The following FAM240B variants were observed in gnomAD, a reference collection of about 807,000 sequenced individuals.
The protein encoded by FAM240B is protein FAM240B.
rs559981486 is a variant in FAM240B, at chr9:38,700,380, T to G, written c.143+3477A>C. On this transcript the variant is annotated intron_variant, in intron 2 of 2. Coordinates refer to ENST00000637493, the MANE Select transcript of FAM240B (RefSeq NM_001394922.1). ...GCTTGATGCACCCCCAGATTTAATG[T>G]CTACCTGACACTGTTGAGATCTGCT... 2.0e-5 allele frequency among the ~76,000 whole-genome samples: 3 copies of G among 152,334 alleles called. No individual in the cohort carries two copies. In the South Asian group the frequency reaches 6.2e-4, roughly 32 times the overall value.
At chr9:38,711,076 T>C (rs1821250459) in intron 1 of FAM240B, among the ~76,000 whole-genome samples, 1 of 152,088 alleles carries the variant, frequency 6.6e-6, no homozygotes, top group Admixed American at 6.5e-5. Flanking sequence ...GTGCAAGTCA[T>C]CACTGCTTTC....
At chr9:38,716,008 G>A (rs1821299914) in intron 1 of FAM240B, among the ~76,000 whole-genome samples, 1 of 152,188 alleles carries the variant, frequency 6.6e-6, no homozygotes, top group Non-Finnish European at 1.5e-5. Flanking sequence ...GGAACTGGGA[G>A]GTCCTTAAGC....
chr9:38,706,384 C>T (rs906668610), intron 1 of FAM240B, among the ~76,000 whole-genome samples: 8 of 152,144 alleles, frequency 5.3e-5, no homozygotes, highest in Admixed American at 4.6e-4. Flanking sequence ...GACTTAGGTG[C>T]CCTCTCCCAC....
At chr9:38,697,750 T>G (rs1821084344) in intron 2 of FAM240B, among the ~76,000 whole-genome samples, 1 of 152,368 alleles carries the variant, frequency 6.6e-6, no homozygotes, top group African/African-American at 2.4e-5. Context: ...CCTGTTATGG[T>G]GAAAGTACTA....
At chr9:38,699,868 C>T (rs1821105692) in intron 2 of FAM240B, among the ~76,000 whole-genome samples, 1 of 152,226 alleles carries the variant, frequency 6.6e-6, no homozygotes, top group African/African-American at 2.4e-5. Flanking sequence ...TTTCAGATCT[C>T]AGTACTCCAA....
chr9:38,714,055 G>A (rs569070435), intron 1 of FAM240B, among the ~76,000 whole-genome samples: 12 of 152,102 alleles, frequency 7.9e-5, no homozygotes, highest in South Asian at 2.1e-4. Flanking sequence ...ATAGGTGAAG[G>A]GCATTGCAGA....
chr9:38,719,242 C>A (rs1347741218), intron 1 of FAM240B, among the ~76,000 whole-genome samples: 4 of 148,966 alleles, frequency 2.7e-5, no homozygotes, highest in African/African-American at 9.8e-5. Context: ...TTCTCTGCAT[C>A]CCCCCCCACC....
intron 2 of FAM240B, among the ~76,000 whole-genome samples, chr9:38,696,113 A>T (rs570745303): frequency 6.6e-6 from 1 of 152,318 alleles, no homozygotes; most frequent in African/African-American, 2.4e-5. Context: ...CCCGGGAAAG[A>T]ATGGGAAGAT....
intron 1 of FAM240B, among the ~76,000 whole-genome samples, chr9:38,718,333 A>G (rs1004122558): frequency 1.1e-4 from 16 of 152,236 alleles, no homozygotes; most frequent in Non-Finnish European, 1.9e-4. Context: ...TGTTTACAGC[A>G]TAATTCCATA....
At chr9:38,702,616 G>A (rs1821143737) in intron 2 of FAM240B, among the ~76,000 whole-genome samples, 1 of 152,180 alleles carries the variant, frequency 6.6e-6, no homozygotes, top group Non-Finnish European at 1.5e-5. Context: ...CTGGCATTCA[G>A]ACTGAGGTTG....
intron 1 of FAM240B, among the ~76,000 whole-genome samples, chr9:38,711,592 G>A (rs2119011206): frequency 1.3e-5 from 2 of 151,948 alleles, no homozygotes; most frequent in South Asian, 4.2e-4. Context: ...CACCTTTTCA[G>A]AAAACATTTT....
At chr9:38,704,290 C>T (rs895317719) in intron 1 of FAM240B, among the ~76,000 whole-genome samples, 1 of 151,990 alleles carries the variant, frequency 6.6e-6, no homozygotes, top group East Asian at 1.9e-4. Flanking sequence ...AAGGCTTGCC[C>T]TTTTCACTGT....
At position 38,717,699 on chromosome 9, in the gene FAM240B, G is replaced by C. The variant is rs537258842; in HGVS notation, c.-4+2323C>G. On this transcript the variant is annotated intron_variant, in intron 1 of 2. Transcript: ENST00000637493. ...GGGTTTCACCGTGTTAGCCAGGATGGTCTCAATATCCTGACCTCGTGATCC... is the reference window on the plus strand; with the variant it reads ...GGGTTTCACCGTGTTAGCCAGGATGCTCTCAATATCCTGACCTCGTGATCC... Among the ~76,000 whole-genome samples the C allele has an allele frequency of 7.9e-5, 12 of 151,660 alleles. No individual in the cohort carries two copies. In the South Asian group the frequency reaches 1.9e-3, roughly 24 times the overall value.
chr9:38,719,097 T>C (rs1295505904), intron 1 of FAM240B, among the ~76,000 whole-genome samples: 1 of 152,108 alleles, frequency 6.6e-6, no homozygotes, highest in Non-Finnish European at 1.5e-5. Flanking sequence ...TCTTCAAAAT[T>C]ACAGGGGCTT....
chr9:38,703,984 T>C lies in FAM240B; in HGVS notation c.16A>G (p.Ile6Val). The change falls in exon 2 of 3, where the codon ATC (isoleucine) becomes GTC (valine). Residue 6 changes from isoleucine to valine, a missense_variant. Physicochemically the swap from Ile to Val is conservative, Grantham distance 29. Coordinates refer to ENST00000637493, the MANE Select transcript of FAM240B (RefSeq NM_001394922.1). ...CCACAGCAGAAGACTTCTCGACGGA[T>C]GTATTGATTGTTCATCCCCTGAAAT... MNNQY[I>V]RREVFCCGTC... 1 of 400,288 alleles carries C rather than the reference T, an allele frequency of 2.5e-6. No homozygotes were observed. Among genetic ancestry groups the C allele is most frequent in the Non-Finnish European group, 4.4e-6 (1 of 226,078 alleles). 24.8% of individuals were successfully genotyped at this position (400,288 alleles called of 1,614,324 possible). A position where few individuals can be genotyped will look rare whatever the true frequency, so the allele number is the denominator to read the frequency against.
At chr9:38,703,148 C>T (rs528530899) in intron 2 of FAM240B, among the ~76,000 whole-genome samples, 72 of 152,180 alleles carry the variant, frequency 4.7e-4, no homozygotes, top group African/African-American at 1.6e-3. Context: ...GTGGAAAAAC[C>T]CTGGTATACT....
intron 2 of FAM240B, among the ~76,000 whole-genome samples, chr9:38,703,426 A>G (rs563491688): frequency 1.3e-5 from 2 of 152,340 alleles, no homozygotes; most frequent in South Asian, 4.1e-4. Context: ...AGGCAACTGG[A>G]AACAACTCCT....
chr9:38,707,793 C>CAAA (rs11300800), intron 1 of FAM240B, among the ~76,000 whole-genome samples: 1,941 of 109,292 alleles, frequency 0.018, 30 homozygotes, highest in Non-Finnish European at 0.025. Context: ...GACTCGGTCT[C>CAAA]AAAAAAAAAA....
intron 2 of FAM240B, among the ~76,000 whole-genome samples, chr9:38,695,228 A>G (rs1447910661): frequency 2.6e-5 from 4 of 152,140 alleles, no homozygotes; most frequent in African/African-American, 9.7e-5. Context: ...AATTTTAAAA[A>G]CCCAATGCTG....
Sources: gnomAD v4.1 joint callset for allele counts (sites outside exome capture counted in the v4.1 genomes callset) on GRCh38, gnomAD v4.1.1 for gene constraint, MANE v1.5 for transcripts, NCBI Gene and HGNC (gene_info 2026-07-23, HGNC 2026-07-21) for gene names.